Variants in RAB2A observed in about 807,000 individuals in gnomAD.
The protein encoded by RAB2A is ras-related protein Rab-2A.
Under a neutral mutation model 32.5 loss-of-function variants are expected in RAB2A, and 7 were observed. The observed-to-expected ratio is 0.22, with a 90% CI of 0.12 to 0.40. The LOEUF (loss-of-function observed/expected upper bound fraction) is 0.40. Ranked by LOEUF, RAB2A falls within the 10% of genes least tolerant of loss-of-function variation. RAB2A has a pLI of 1.00. For synonymous variants in RAB2A, 79 were observed against 85.2 expected, an observed-to-expected ratio of 0.93 and a Z score of 0.40; for missense variants, 108 against 260.7, an observed-to-expected ratio of 0.41 and a Z score of 4.03.
At chr8:60,603,165 T>TCCCTG (rs1804165258) in intron 6 of RAB2A, among the ~76,000 whole-genome samples, 1 of 152,222 alleles carries the variant, frequency 6.6e-6, no homozygotes, top group Admixed American at 6.5e-5. Flanking sequence ...TGTAGAGAAA[T>TCCCTG]TTTAATGCAC....
chr8:60,589,262 G>C (rs189256035), intron 5 of RAB2A, among the ~76,000 whole-genome samples: 1 of 152,284 alleles, frequency 6.6e-6, no homozygotes, highest in East Asian at 1.9e-4. Context: ...AATGTGAGAA[G>C]AAATAAACAA....
intron 3 of RAB2A, among the ~76,000 whole-genome samples, chr8:60,578,033 C>G (rs2130844678): frequency 6.6e-6 from 1 of 152,220 alleles, no homozygotes; most frequent in Non-Finnish European, 1.5e-5. Flanking sequence ...TTTAGAAATC[C>G]TTCTTTCCTT....
chr8:60,614,628 T>C (rs1267808848), intron 6 of RAB2A, among the ~76,000 whole-genome samples: 3 of 152,184 alleles, frequency 2.0e-5, no homozygotes, highest in African/African-American at 7.2e-5. Context: ...TTACTGAATG[T>C]TTATTTGAAT....
chr8:60,571,353 A>G (rs1481917993), intron 2 of RAB2A, among the ~76,000 whole-genome samples: 1 of 152,216 alleles, frequency 6.6e-6, no homozygotes, highest in Non-Finnish European at 1.5e-5. Flanking sequence ...AATTATCTGT[A>G]CACAAAAGAA....
intron 1 of RAB2A, among the ~76,000 whole-genome samples, chr8:60,520,916 A>G (rs1375101878): frequency 6.6e-6 from 1 of 152,144 alleles, no homozygotes; most frequent in Non-Finnish European, 1.5e-5. Flanking sequence ...TCCTGGGCCT[A>G]AGCAATCCTC....
Position 60,517,204 on chromosome 8 carries a change from G to A in RAB2A, c.-4G>A. 6.7e-7 allele frequency: 1 copy of A among 1,488,952 alleles called. No homozygotes were observed. 92.2% of individuals were successfully genotyped at this position (1,488,952 alleles called of 1,614,324 possible). A position where few individuals can be genotyped will look rare whatever the true frequency, so the allele number is the denominator to read the frequency against. Reference sequence around the variant, plus strand: ...GTGTGCCCTGGCACTGAGCGGCCGCGGCCATGGCGTACGCCTATCTCTTCA... The same window carrying A: ...GTGTGCCCTGGCACTGAGCGGCCGCAGCCATGGCGTACGCCTATCTCTTCA... On this transcript the variant is annotated 5_prime_UTR_variant, in exon 1 of 8. Coordinates refer to ENST00000262646, the MANE Select transcript of RAB2A (RefSeq NM_002865.3).
chr8:60,584,184 C>A, intron 3 of RAB2A, 24 bp from the exon 4 acceptor site: 1 of 1,546,000 alleles, frequency 6.5e-7, no homozygotes, highest in Non-Finnish European at 8.9e-7. Context: ...AAAGGAAACT[C>A]TCCAACCTTT....
chr8:60,579,103 C>T (rs930941712), intron 3 of RAB2A, among the ~76,000 whole-genome samples: 10 of 152,136 alleles, frequency 6.6e-5, no homozygotes, highest in East Asian at 3.8e-4. Flanking sequence ...AGTGCAGTGG[C>T]GCAATCTCAG....
rs377385072 is a variant in RAB2A, at chr8:60,591,844, T to C, written c.363-14T>C. ...TGTTGATTAGTAATGTGACCCTTTC[T>C]TTCCCATGTTTAGTGATTTAGAATC... On this transcript the variant is annotated splice_polypyrimidine_tract_variant and intron_variant, in intron 5 of 7. Coordinates refer to ENST00000262646, the MANE Select transcript of RAB2A (RefSeq NM_002865.3). 4 of 1,536,306 alleles carry C rather than the reference T, an allele frequency of 2.6e-6. No individual in the cohort carries two copies. The African/African-American group carries it at 4.1e-5, about 16-fold the overall frequency.
At chr8:60,563,409 A>G (rs1808053252) in intron 2 of RAB2A, among the ~76,000 whole-genome samples, 1 of 152,192 alleles carries the variant, frequency 6.6e-6, no homozygotes, top group African/African-American at 2.4e-5. Flanking sequence ...TAAAGAACCT[A>G]CTGAATCATA....
At chr8:60,564,362 T>C (rs1808073022) in intron 2 of RAB2A, among the ~76,000 whole-genome samples, 1 of 152,252 alleles carries the variant, frequency 6.6e-6, no homozygotes, top group African/African-American at 2.4e-5. Context: ...TAGTAGTTCT[T>C]TTTGCTTTCA....
chr8:60,564,505 C>A (rs550605167), intron 2 of RAB2A, among the ~76,000 whole-genome samples: 193 of 152,022 alleles, frequency 1.3e-3, no homozygotes, highest in African/African-American at 4.5e-3. Flanking sequence ...CTACAGTTTC[C>A]ACCTATTTTA....
chr8:60,534,789 G>A (rs925258934), intron 1 of RAB2A, among the ~76,000 whole-genome samples: 1 of 152,114 alleles, frequency 6.6e-6, no homozygotes, highest in African/African-American at 2.4e-5. Context: ...ATAGTTTAAG[G>A]GATTGCTTAA....
chr8:60,597,775 A>C (rs1804054799), intron 6 of RAB2A, among the ~76,000 whole-genome samples: 1 of 152,250 alleles, frequency 6.6e-6, no homozygotes, highest in African/African-American at 2.4e-5. Flanking sequence ...TAAAAACTTC[A>C]GTAAAATTGG....
intron 6 of RAB2A, among the ~76,000 whole-genome samples, chr8:60,599,756 TAAA>T (rs904015272): frequency 1.3e-5 from 2 of 151,766 alleles, no homozygotes; most frequent in Non-Finnish European, 2.9e-5. Flanking sequence ...TCTCACACCT[TAAA>T]AAAACTAACA....
At chr8:60,617,253 G>A (rs530522943) in intron 6 of RAB2A, among the ~76,000 whole-genome samples, 1 of 152,068 alleles carries the variant, frequency 6.6e-6, no homozygotes, top group African/African-American at 2.4e-5. Flanking sequence ...GCTTCATTTG[G>A]TCTACAGTAT....
chr8:60,606,100 A>C lies in RAB2A; in HGVS notation c.475-12480A>C. Among the ~76,000 whole-genome samples, 2 of 152,046 alleles carry C rather than the reference A, an allele frequency of 1.3e-5. 1 individual carries two copies. Among genetic ancestry groups the C allele is most frequent in the East Asian group, 3.9e-4 (2 of 5,190 alleles). On this transcript the variant is annotated intron_variant, in intron 6 of 7. Coordinates refer to ENST00000262646, the MANE Select transcript of RAB2A (RefSeq NM_002865.3). ...GGAGGCGGAAGTTGCAGTGAGCTCA[A>C]ATTGCACCACTGCACTCCAGCCTGG... is the stretch of plus-strand genomic sequence containing the variant.
chr8:60,561,984 TA>T (rs1177667119), intron 2 of RAB2A, among the ~76,000 whole-genome samples: 1 of 152,222 alleles, frequency 6.6e-6, no homozygotes. Context: ...CTTTCTCTCT[TA>T]CTTTTCCCTA....
At chr8:60,601,800 T>C (rs1387129622) in intron 6 of RAB2A, among the ~76,000 whole-genome samples, 1 of 152,244 alleles carries the variant, frequency 6.6e-6, no homozygotes, top group East Asian at 1.9e-4. Context: ...CAATACACTT[T>C]TATTCATTAG....
Sources: gnomAD v4.1 joint callset for allele counts (sites outside exome capture counted in the v4.1 genomes callset) on GRCh38, gnomAD v4.1.1 for gene constraint, MANE v1.5 for transcripts, NCBI Gene and HGNC (gene_info 2026-07-23, HGNC 2026-07-21) for gene names.